TRPS1: variants seen among roughly 807,000 people sequenced by gnomAD.
The protein encoded by TRPS1 is transcriptional repressor GATA binding 1, also known as zinc finger transcription factor Trps1.
A neutral mutation model predicts 101.2 loss-of-function variants in TRPS1; 6 were observed. The observed-to-expected ratio is 0.06, with a 90% CI of 0.03 to 0.12. TRPS1 has a LOEUF of 0.12. Ranked by LOEUF, TRPS1 falls within the 10% of genes least tolerant of loss-of-function variation. The pLI is 1.00. For synonymous variants in TRPS1, 578 were observed against 589.8 expected (o/e 0.98, Z 0.29); for missense variants, 1,363 against 1,567.0 (o/e 0.87, Z 2.20).
At chr8:115,517,825 G>T (rs1437766561) in intron 5 of TRPS1, among the ~76,000 whole-genome samples, 1 of 151,732 alleles carries the variant, frequency 6.6e-6, no homozygotes, top group Non-Finnish European at 1.5e-5. Context: ...TCTTGATCAT[G>T]ACAAAGAATG....
intron 5 of TRPS1, among the ~76,000 whole-genome samples, chr8:115,441,336 G>A (rs936014248): frequency 6.6e-6 from 1 of 152,116 alleles, no homozygotes; most frequent in African/African-American, 2.4e-5. Context: ...AACTTACGGC[G>A]CTCTTAACAC....
At chr8:115,457,543 T>A (rs536836433) in intron 5 of TRPS1, among the ~76,000 whole-genome samples, 42 of 152,248 alleles carry the variant, frequency 2.8e-4, no homozygotes, top group Middle Eastern at 3.4e-3. Context: ...GTGGTGATGG[T>A]TGCACAACAT....
chr8:115,667,818 C>T (rs1811959209), intron 1 of TRPS1: 1 of 1,533,960 alleles, frequency 6.5e-7, no homozygotes, highest in African/African-American at 1.4e-5. Context: ...CTTTGGAGAC[C>T]ATACGGAGGC....
At chr8:115,419,002 C>G (rs893327581) in intron 5 of TRPS1, among the ~76,000 whole-genome samples, 2 of 152,144 alleles carry the variant, frequency 1.3e-5, no homozygotes, top group African/African-American at 4.8e-5. Flanking sequence ...CTGAAAGATT[C>G]CTCTATTCCT....
intron 5 of TRPS1, among the ~76,000 whole-genome samples, chr8:115,584,565 T>C (rs1174408899): frequency 6.6e-6 from 1 of 151,936 alleles, no homozygotes; most frequent in Non-Finnish European, 1.5e-5. Flanking sequence ...ACTATGCCTC[T>C]GAAACTATAA....
intron 5 of TRPS1, among the ~76,000 whole-genome samples, chr8:115,487,705 T>G (rs916402420): frequency 6.6e-6 from 1 of 152,172 alleles, no homozygotes; most frequent in East Asian, 1.9e-4. Context: ...ATAACTAGAA[T>G]TACAAGTTGA....
intron 5 of TRPS1, among the ~76,000 whole-genome samples, chr8:115,465,091 A>G (rs1814284403): frequency 6.6e-6 from 1 of 152,094 alleles, no homozygotes; most frequent in African/African-American, 2.4e-5. Context: ...CTTTGTAACA[A>G]CAGATTTCTT....
intron 5 of TRPS1, among the ~76,000 whole-genome samples, chr8:115,499,676 G>A (rs902084148): frequency 6.6e-6 from 1 of 152,120 alleles, no homozygotes; most frequent in Non-Finnish European, 1.5e-5. Flanking sequence ...TAATGGAATT[G>A]GTCTGTCTAA....
chr8:115,625,465 G>A (rs576288420), intron 1 of TRPS1, among the ~76,000 whole-genome samples: 3 of 151,934 alleles, frequency 2.0e-5, no homozygotes, highest in South Asian at 4.1e-4. Flanking sequence ...CTATAGAACA[G>A]CAAACCACCG....
intron 5 of TRPS1, among the ~76,000 whole-genome samples, chr8:115,448,547 G>T (rs1326304652): frequency 6.6e-6 from 1 of 152,054 alleles, no homozygotes; most frequent in African/African-American, 2.4e-5. Context: ...GGTCAAAAAC[G>T]CAGGCCACAG....
chr8:115,469,029 C>T (rs1268024536), intron 5 of TRPS1, among the ~76,000 whole-genome samples: 1 of 152,078 alleles, frequency 6.6e-6, no homozygotes, highest in Admixed American at 6.5e-5. Flanking sequence ...GTGGTACCAG[C>T]TACTTCGTAG....
chr8:115,434,104 C>A (rs1813391036), intron 5 of TRPS1, among the ~76,000 whole-genome samples: 2 of 3,316 alleles, frequency 6.0e-4, no homozygotes, highest in Admixed American at 4.4e-3. Context: ...CCCAGGATAT[C>A]CATTCAGACT....
intron 5 of TRPS1, among the ~76,000 whole-genome samples, chr8:115,484,976 C>T (rs911362298): frequency 6.6e-6 from 1 of 152,178 alleles, no homozygotes; most frequent in Non-Finnish European, 1.5e-5. Context: ...TTCCTGGGTC[C>T]TCCTGTACAT....
Position 115,587,339 on chromosome 8 carries a change from C to T in TRPS1, c.2362G>A (p.Gly788Arg), listed in dbSNP as rs200408178. 3 of 1,614,190 alleles carry T rather than the reference C, an allele frequency of 1.9e-6. No homozygotes were observed. The highest frequency in any genetic ancestry group is 1.7e-5 in the Admixed American group (1 of 60,032). ...TCGGTCCAAACTTTCTCTTTGAGCC[C>T]GTCCTTCTCTTCCAGCTTCTCTCTC... ...VKREKLEEKD[G>R]LKEKVWTESS... The change falls in exon 5 of 7, where the codon GGG becomes AGG. Residue 788 changes from glycine (G) to arginine (R), a missense_variant. By Grantham distance (125) the Gly-to-Arg change is moderately radical. Around this residue, in one of 5 missense-constraint regions of TRPS1, gnomAD observed 1,020 missense variants for 1,073.0 expected, o/e 0.95. Coordinates refer to ENST00000395715, the MANE Select transcript of TRPS1 (RefSeq NM_014112.5).
chr8:115,428,017 C>T (rs1288861025), intron 5 of TRPS1, among the ~76,000 whole-genome samples: 2 of 152,168 alleles, frequency 1.3e-5, no homozygotes, highest in Non-Finnish European at 2.9e-5. Flanking sequence ...ATGAAAGTCT[C>T]TCTTTGCTTT....
At chr8:115,646,727 G>A (rs1260289416) in intron 1 of TRPS1, among the ~76,000 whole-genome samples, 2 of 152,032 alleles carry the variant, frequency 1.3e-5, no homozygotes, top group African/African-American at 2.4e-5. Context: ...TAGCTAAGAC[G>A]TTTGACGGCA....
At chr8:115,419,637 G>A (rs1230421579) in intron 5 of TRPS1, among the ~76,000 whole-genome samples, 1 of 152,166 alleles carries the variant, frequency 6.6e-6, no homozygotes. Context: ...GGTTATAATT[G>A]TACTCTGATA....
intron 5 of TRPS1, among the ~76,000 whole-genome samples, chr8:115,568,610 T>TA (rs945979582): frequency 6.6e-6 from 1 of 152,112 alleles, no homozygotes; most frequent in African/African-American, 2.4e-5. Flanking sequence ...GCCACTGCTC[T>TA]AAAAAATATA....
intron 4 of TRPS1, among the ~76,000 whole-genome samples, chr8:115,598,408 AG>A (rs914624011): frequency 2.6e-5 from 4 of 152,088 alleles, no homozygotes; most frequent in African/African-American, 7.2e-5. Flanking sequence ...CCTGGGCTTA[AG>A]TGATCCTCCC....
Sources: gnomAD v4.1 joint callset for allele counts (sites outside exome capture counted in the v4.1 genomes callset) on GRCh38, gnomAD v4.1.1 for gene constraint, gnomAD v4.1.1 regional missense constraint, MANE v1.5 for transcripts, NCBI Gene and HGNC (gene_info 2026-07-23, HGNC 2026-07-21) for gene names.